EMID1: variants seen among roughly 807,000 people sequenced by gnomAD.
EMID1 encodes EMI domain containing 1.
A neutral mutation model predicts 60.6 loss-of-function variants in EMID1; 40 were observed. That is an observed-to-expected ratio of 0.66 (90% CI 0.51 to 0.86). The LOEUF is 0.86. EMID1 is among the 40% of genes least tolerant of loss of function. The pLI is 0.00. For synonymous variants in EMID1, 242 were observed against 231.0 expected (o/e 1.05, Z -0.43); for missense variants, 585 against 597.1 (o/e 0.98, Z 0.21).
chr22:29,258,809 T>C lies in EMID1; in HGVS notation c.1205-8T>C, dbSNP rs749577525. On this transcript the variant is annotated splice_region_variant and splice_polypyrimidine_tract_variant and intron_variant, in intron 14 of 14. Coordinates refer to ENST00000334018, the MANE Select transcript of EMID1 (RefSeq NM_133455.4). ...TAATGTGGCCTCTCTCCTTCTTCCC[T>C]CCGGCAGAACCAGAGCTGGGGTCTG... 14 of 1,612,636 alleles carry C rather than the reference T, an allele frequency of 8.7e-6. No homozygotes were observed. Among genetic ancestry groups the C allele is most frequent in the Non-Finnish European group, 1.1e-5 (13 of 1,179,592 alleles).
At chr22:29,232,166 C>CT in intron 7 of EMID1, 90 bp from the exon 8 acceptor site, 1 of 1,536,864 alleles carries the variant, frequency 6.5e-7, no homozygotes, top group East Asian at 2.2e-5. Flanking sequence ...CTCATGCCCA[C>CT]TGCTCCAGGC....
rs555505087 is a variant in EMID1 at position 29,232,285 on chromosome 22, C to G, written c.706C>G (p.Arg236Gly). The G allele has an allele frequency of 6.2e-7, 1 of 1,611,378 alleles. No individual in the cohort carries two copies. Reference sequence around the variant, plus strand: ...ACAGGGCCCCCCAGGGAGCCCTGGCCGGGCTGGAGCTGTGGGCACCCCTGG... The same window carrying G: ...ACAGGGCCCCCCAGGGAGCCCTGGCGGGGCTGGAGCTGTGGGCACCCCTGG... ...GPQGPPGSPG[R>G]AGAVGTPGER... The change falls in exon 8 of 15, where the codon CGG (arginine) becomes GGG (glycine). Residue 236 changes from arginine (R) to glycine (G), a missense_variant. By Grantham distance (125) the Arg-to-Gly change is moderately radical. Transcript: ENST00000334018.
chr22:29,255,672 T>C (rs1452902949), intron 14 of EMID1: 6 of 249,078 alleles, frequency 2.4e-5, no homozygotes, highest in Non-Finnish European at 4.6e-5. Flanking sequence ...GAAACCCAGG[T>C]GAGCTACACT....
intron 1 of EMID1, among the ~76,000 whole-genome samples, chr22:29,213,588 C>T (rs2039973719): frequency 6.6e-6 from 1 of 152,062 alleles, no homozygotes; most frequent in Non-Finnish European, 1.5e-5. Flanking sequence ...CGAGTGGGGG[C>T]TGCACTGTGG....
At chr22:29,220,672 C>T (rs2040259570) in intron 3 of EMID1, among the ~76,000 whole-genome samples, 1 of 151,984 alleles carries the variant, frequency 6.6e-6, no homozygotes, top group Admixed American at 6.6e-5. Flanking sequence ...CCCGAATCCC[C>T]AACTTTTCAC....
chr22:29,214,778 C>T, intron 1 of EMID1, 148 bp from the exon 2 acceptor site: 1 of 512,156 alleles, frequency 2.0e-6, no homozygotes, highest in East Asian at 3.0e-5. Flanking sequence ...CCATTTGGGC[C>T]CAAATGACTT....
chr22:29,245,450 C>T (rs1004142678), intron 13 of EMID1, among the ~76,000 whole-genome samples: 6 of 152,190 alleles, frequency 3.9e-5, no homozygotes, highest in East Asian at 1.9e-4. Flanking sequence ...GTGGGCTCCC[C>T]GCAAGAGGTA....
intron 3 of EMID1, among the ~76,000 whole-genome samples, chr22:29,220,675 C>A (rs1399748796): frequency 3.3e-5 from 5 of 152,076 alleles, no homozygotes; most frequent in Non-Finnish European, 7.4e-5. Flanking sequence ...GAATCCCCAA[C>A]TTTTCACATC....
At chr22:29,254,158 C>T (rs375082130) in intron 13 of EMID1, 45 bp from the exon 14 acceptor site, 152 of 1,611,912 alleles carry the variant, frequency 9.4e-5, no homozygotes, top group Non-Finnish European at 1.3e-4. Flanking sequence ...GCAGGGTCCC[C>T]TCCCCTGCCC....
chr22:29,258,201 A>T (rs562550179), intron 14 of EMID1, among the ~76,000 whole-genome samples: 1 of 152,238 alleles, frequency 6.6e-6, no homozygotes, highest in Non-Finnish European at 1.5e-5. Context: ...TTACTTTGGG[A>T]AGGGCTGAGA....
In EMID1 at chr22:29,258,836, G is replaced by A. The variant is rs1449957125; in HGVS notation, c.1224G>A (p.Gly408=). 6.2e-7 allele frequency: 1 copy of A among 1,613,042 alleles called. No individual in the cohort carries two copies. Among genetic ancestry groups the A allele is most frequent in the African/African-American group, 1.3e-5 (1 of 74,928 alleles). ...CGGCAGAACCAGAGCTGGGGTCTGG[G>A]GCGGGCCCTGCCGGCACAGGCACCC... ...IGLYEPELGS[G]AGPAGTGTPS... Residue 408 remains glycine, a synonymous_variant, in exon 15 of 15, where the codon GGG becomes GGA. Transcript: ENST00000334018.
chr22:29,233,496 G>C, intron 9 of EMID1, 28 bp downstream of exon 9: 1 of 1,612,412 alleles, frequency 6.2e-7, no homozygotes, highest in Non-Finnish European at 8.5e-7. Context: ...CAGGGGTAAA[G>C]GGTGAAGTTG....
At chr22:29,243,009 A>C (rs1204510831) in intron 12 of EMID1, among the ~76,000 whole-genome samples, 1 of 152,202 alleles carries the variant, frequency 6.6e-6, no homozygotes, top group Non-Finnish European at 1.5e-5. Flanking sequence ...AAGCGTCAGA[A>C]AGGAACATTT....
chr22:29,250,733 A>ATTTTTTTT (rs748172215), intron 13 of EMID1, among the ~76,000 whole-genome samples: 1,323 of 22,472 alleles, frequency 0.059, 279 homozygotes, highest in Non-Finnish European at 0.094. Context: ...CACCCGGCTA[A>ATTTTTTTT]TTTTTTTTTT....
intron 14 of EMID1, chr22:29,254,844 G>C: frequency 6.0e-6 from 1 of 167,818 alleles, no homozygotes. Flanking sequence ...GGGTGACAGA[G>C]CTAGGCTCAG....
rs543674866 is a variant in EMID1, at chr22:29,241,883, C to T, written c.1075-1562C>T. 1.1e-4 allele frequency among the ~76,000 whole-genome samples: 16 copies of T among 151,980 alleles called. No individual in the cohort carries two copies. The South Asian group carries it at 3.1e-3, about 30-fold the overall frequency. On this transcript the variant is annotated intron_variant, in intron 12 of 14. Transcript: ENST00000334018. The stretch of plus-strand genomic sequence containing the variant: ...ACTGAAGTTCTGTTAGTTTTTTAAA[C>T]AATCTTTGTCTCTCTGTGCTTTATA...
intron 13 of EMID1, 114 bp from the exon 14 acceptor site, chr22:29,254,089 A>T: frequency 6.4e-7 from 1 of 1,574,430 alleles, no homozygotes. Context: ...GGGCTGTGGC[A>T]GGTAGTGTGG....
chr22:29,222,905 TA>T (rs2034319256), intron 3 of EMID1, among the ~76,000 whole-genome samples: 1 of 152,012 alleles, frequency 6.6e-6, no homozygotes, highest in African/African-American at 2.4e-5. Flanking sequence ...TCCTGGCTAA[TA>T]CGGTGAAACC....
chr22:29,221,175 C>T (rs2040284208), intron 3 of EMID1, among the ~76,000 whole-genome samples: 1 of 149,752 alleles, frequency 6.7e-6, no homozygotes, highest in Non-Finnish European at 1.5e-5. Flanking sequence ...CAGTCAGGCT[C>T]CCAGAGTGGA....
Sources: allele counts gnomAD v4.1 joint callset (sites outside exome capture counted in the v4.1 genomes callset), GRCh38; gene constraint gnomAD v4.1.1; transcripts MANE v1.5; gene names NCBI Gene and HGNC (gene_info 2026-07-23, HGNC 2026-07-21).